Variants in WWOX observed in about 807,000 individuals in gnomAD.
WWOX encodes WW domain containing oxidoreductase.
Under a neutral mutation model 46.2 loss-of-function variants are expected in WWOX, and 69 were observed. The observed-to-expected ratio is 1.49, with a 90% CI of 1.23 to 1.82. WWOX has a LOEUF of 1.82. Ranked by LOEUF, WWOX falls within the 40% of genes most tolerant of loss-of-function variation. The pLI, the probability that WWOX is intolerant of heterozygous loss-of-function variation, is 0.00. For synonymous variants in WWOX, 359 were observed against 202.6 expected (o/e 1.77, Z -6.56); for missense variants, 919 against 542.6 (o/e 1.69, Z -6.89).
At chr16:78,722,090 G>A (rs1307077776) in intron 8 of WWOX, among the ~76,000 whole-genome samples, 3 of 152,062 alleles carry the variant, frequency 2.0e-5, no homozygotes, top group Non-Finnish European at 4.4e-5. Context: ...TTTGCTTTAC[G>A]TGCCTTGATT....
chr16:78,457,712 G>A (rs563451349), intron 8 of WWOX, among the ~76,000 whole-genome samples: 1 of 151,898 alleles, frequency 6.6e-6, no homozygotes. Context: ...TCAGGAGTTC[G>A]AGACCAGCTT....
intron 5 of WWOX, among the ~76,000 whole-genome samples, chr16:78,328,934 T>G (rs927037303): frequency 5.9e-5 from 9 of 152,142 alleles, no homozygotes; most frequent in African/African-American, 2.2e-4. Context: ...CGATCTCAGC[T>G]CACTGCAGCC....
chr16:78,611,676 C>G (rs527601054), intron 8 of WWOX, among the ~76,000 whole-genome samples: 8 of 152,216 alleles, frequency 5.3e-5, no homozygotes, highest in Non-Finnish European at 2.9e-5. Context: ...TTACGCAGAA[C>G]AAACAGTTCC....
In WWOX at chr16:78,586,891, C is replaced by G. The variant is rs536432032; in HGVS notation, c.1056+154139C>G. Among the ~76,000 whole-genome samples, 58 of 152,182 alleles carry G rather than the reference C, an allele frequency of 3.8e-4. 1 individual carries two copies. Among genetic ancestry groups the G allele is most frequent in the African/African-American group, 1.4e-3 (57 of 41,514 alleles). ...TTATGACTGTGTACCATGTTGCATGCCTTCATATCCCCAATGGAAAAATCC... is the reference window on the plus strand; with the variant it reads ...TTATGACTGTGTACCATGTTGCATGGCTTCATATCCCCAATGGAAAAATCC... On this transcript the variant is annotated intron_variant, in intron 8 of 8. Transcript: ENST00000566780.
In WWOX at chr16:79,085,962, C is replaced by T. The variant is rs1016216361; in HGVS notation, c.1057-125646C>T. Among the ~76,000 whole-genome samples the T allele has an allele frequency of 8.5e-5, 13 of 152,180 alleles. No individual in the cohort carries two copies. The East Asian group carries it at 2.3e-3, about 27-fold the overall frequency. Reference sequence around the variant, plus strand: ...AGCTACTCACCTGTAGTCCCAGCTACTTGGGAGGCTGAGGCAGGAGGATCG... The same window carrying T: ...AGCTACTCACCTGTAGTCCCAGCTATTTGGGAGGCTGAGGCAGGAGGATCG... On this transcript the variant is annotated intron_variant, in intron 8 of 8. Coordinates refer to ENST00000566780, the MANE Select transcript of WWOX (RefSeq NM_016373.4).
intron 5 of WWOX, chr16:78,167,216 G>A (rs2035003018): frequency 6.6e-6 from 1 of 152,140 alleles, no homozygotes; most frequent in African/African-American, 2.4e-5. Flanking sequence ...GATGCTTAGA[G>A]CAGAAATTCC....
chr16:79,006,294 G>A (rs1015005519), intron 8 of WWOX, among the ~76,000 whole-genome samples: 13 of 152,228 alleles, frequency 8.5e-5, no homozygotes, highest in South Asian at 4.2e-4. Context: ...GATGTGAAGC[G>A]CGGGAAGTCC....
At chr16:78,158,929 T>C (rs751547413) in intron 4 of WWOX, among the ~76,000 whole-genome samples, 4 of 152,138 alleles carry the variant, frequency 2.6e-5, no homozygotes, top group Non-Finnish European at 5.9e-5. Flanking sequence ...AATACCTCCT[T>C]GTTTCTCTCT....
At chr16:78,703,861 G>A (rs531349287) in intron 8 of WWOX, among the ~76,000 whole-genome samples, 31 of 152,120 alleles carry the variant, frequency 2.0e-4, no homozygotes, top group African/African-American at 7.5e-4. Flanking sequence ...ACATTTTTCT[G>A]AACTATGACT....
intron 8 of WWOX, among the ~76,000 whole-genome samples, chr16:78,827,091 A>G (rs2051678324): frequency 6.6e-6 from 1 of 152,134 alleles, no homozygotes; most frequent in Non-Finnish European, 1.5e-5. Flanking sequence ...CTGGTCACAA[A>G]CCTGCTCTCC....
rs376539037 is a variant in WWOX, at chr16:78,638,067, A to C, written c.1056+205315A>C. On this transcript the variant is annotated intron_variant, in intron 8 of 8. Transcript: ENST00000566780. ...ATCCACTTCTCTCTGGGTTCTCCGT[A>C]CCGCTTTCCCCAATCCAAGCTAAGC... is the stretch of plus-strand genomic sequence containing the variant. Among the ~76,000 whole-genome samples the C allele has an allele frequency of 3.0e-4, 45 of 152,312 alleles. No individual in the cohort carries two copies. The East Asian group carries it at 5.4e-3, about 18-fold the overall frequency.
At chr16:78,545,916 C>A (rs565515407) in intron 8 of WWOX, among the ~76,000 whole-genome samples, 2 of 152,106 alleles carry the variant, frequency 1.3e-5, no homozygotes, top group African/African-American at 4.8e-5. Context: ...TAGGGCACCA[C>A]GCTTATGACA....
chr16:78,814,287 G>A (rs56213589), intron 8 of WWOX, among the ~76,000 whole-genome samples: 27,774 of 151,882 alleles, frequency 0.18, 2,553 homozygotes, highest in Admixed American at 0.23. Context: ...TTCCCCTCTT[G>A]TTCCTTTTTA....
Position 79,212,575 on chromosome 16 carries a change from TCA to T in WWOX, c.*782_*783del, listed in dbSNP as rs1035144753. 3.4e-4 allele frequency: 56 copies of T among 163,974 alleles called. No individual in the cohort carries two copies. The highest frequency in any genetic ancestry group is 1.2e-3 in the African/African-American group (51 of 41,782). 10.2% of individuals were successfully genotyped at this position (163,974 alleles called of 1,614,324 possible). A position where few individuals can be genotyped will look rare whatever the true frequency, so the allele number is the denominator to read the frequency against. On this transcript the variant is annotated 3_prime_UTR_variant, in exon 9 of 9. Transcript: ENST00000566780. Reference sequence around the variant, plus strand: ...GTTAGTTAATCCCTTTGTCTGTCAATCACAGTCTCAGTTCTCTTGCTTTCACA... The same window carrying T: ...GTTAGTTAATCCCTTTGTCTGTCAATCAGTCTCAGTTCTCTTGCTTTCACA...
At chr16:79,028,811 A>G (rs755369345) in intron 8 of WWOX, among the ~76,000 whole-genome samples, 30 of 151,758 alleles carry the variant, frequency 2.0e-4, no homozygotes, top group Admixed American at 5.2e-4. Context: ...ATGGAGGCGA[A>G]TGGTTTTCCA....
intron 5 of WWOX, among the ~76,000 whole-genome samples, chr16:78,349,506 G>C (rs79473166): frequency 0.047 from 5,661 of 120,312 alleles, 1,475 homozygotes; most frequent in African/African-American, 0.12. Flanking sequence ...CCACCCTTTA[G>C]AAGAAGCCAG....
At chr16:78,492,737 A>C (rs1473975293) in intron 8 of WWOX, among the ~76,000 whole-genome samples, 2 of 152,190 alleles carry the variant, frequency 1.3e-5, no homozygotes, top group African/African-American at 4.8e-5. Flanking sequence ...TTCAGGGAGT[A>C]ATTGGTTCTG....
chr16:78,352,523 C>A (rs374279348), intron 5 of WWOX, among the ~76,000 whole-genome samples: 1 of 152,206 alleles, frequency 6.6e-6, no homozygotes, highest in Non-Finnish European at 1.5e-5. Context: ...TCAAGTCCTT[C>A]TCAAACTGCC....
chr16:78,386,080 T>A (rs1204956166), intron 5 of WWOX, among the ~76,000 whole-genome samples: 2 of 151,916 alleles, frequency 1.3e-5, no homozygotes, highest in Non-Finnish European at 2.9e-5. Context: ...AACTTGGGCT[T>A]CTTTATCAGT....
Sources: gnomAD v4.1 joint callset for allele counts (sites outside exome capture counted in the v4.1 genomes callset) on GRCh38, gnomAD v4.1.1 for gene constraint, MANE v1.5 for transcripts, NCBI Gene and HGNC (gene_info 2026-07-23, HGNC 2026-07-21) for gene names.